SLC1A3: variants seen among roughly 807,000 people sequenced by gnomAD.
SLC1A3 encodes excitatory amino acid transporter 1.
Under a neutral mutation model 48.1 loss-of-function variants are expected in SLC1A3, and 21 were observed. That is an observed-to-expected ratio of 0.44 (90% CI 0.31 to 0.63). The LOEUF (loss-of-function observed/expected upper bound fraction) is 0.63, where lower values mean the gene tolerates loss of function less well. Among genes scored for constraint, SLC1A3 ranks in the 20% least tolerant of loss-of-function variants. The pLI is 0.08. For missense variants in SLC1A3, 546 were observed against 689.0 expected (o/e 0.79, Z 2.32); for synonymous variants, 239 against 251.4 (o/e 0.95, Z 0.47).
intron 3 of SLC1A3, among the ~76,000 whole-genome samples, chr5:36,664,140 T>C (rs899483352): frequency 6.6e-6 from 1 of 152,166 alleles, no homozygotes; most frequent in African/African-American, 2.4e-5. Context: ...GTTGCTGTTG[T>C]TGTTGTTTTT....
intron 3 of SLC1A3, among the ~76,000 whole-genome samples, chr5:36,635,711 G>T (rs539282084): frequency 2.7e-4 from 41 of 152,282 alleles, no homozygotes; most frequent in African/African-American, 9.9e-4. Context: ...ATTCCACGGG[G>T]CAGCAAATTC....
At chr5:36,634,100 AC>A (rs1740240659) in intron 3 of SLC1A3, among the ~76,000 whole-genome samples, 1 of 151,928 alleles carries the variant, frequency 6.6e-6, no homozygotes, top group Admixed American at 6.6e-5. Flanking sequence ...ACATGGTGAA[AC>A]CCCATCTCTA....
chr5:36,629,628 TG>T (rs1740058892), intron 3 of SLC1A3, 41 bp downstream of exon 3: 8 of 1,566,910 alleles, frequency 5.1e-6, no homozygotes, highest in Non-Finnish European at 5.3e-6. Flanking sequence ...TTTTTTTAAG[TG>T]TGTTTATTGC....
chr5:36,684,679 A>C (rs796543374), intron 9 of SLC1A3, among the ~76,000 whole-genome samples: 2 of 152,320 alleles, frequency 1.3e-5, no homozygotes, highest in African/African-American at 4.8e-5. Flanking sequence ...CCTAGAACAG[A>C]GTACGTGTTG....
chr5:36,618,000 A>G (rs1191248671), intron 2 of SLC1A3, among the ~76,000 whole-genome samples: 2 of 151,668 alleles, frequency 1.3e-5, no homozygotes, highest in East Asian at 3.9e-4. Flanking sequence ...GGGATTTAAA[A>G]AAGAGTTAGC....
At chr5:36,644,886 G>A (rs1384469535) in intron 3 of SLC1A3, among the ~76,000 whole-genome samples, 5 of 152,132 alleles carry the variant, frequency 3.3e-5, no homozygotes, top group Non-Finnish European at 5.9e-5. Context: ...GGTGGTGAGG[G>A]TGGGCCTGGG....
chr5:36,642,987 C>T (rs530324346), intron 3 of SLC1A3, among the ~76,000 whole-genome samples: 1 of 152,144 alleles, frequency 6.6e-6, no homozygotes, highest in Non-Finnish European at 1.5e-5. Flanking sequence ...ACTACCCATT[C>T]ATATAATGAA....
chr5:36,645,321 T>C (rs1178078840), intron 3 of SLC1A3, among the ~76,000 whole-genome samples: 1 of 45,742 alleles, frequency 2.2e-5, no homozygotes, highest in Non-Finnish European at 4.3e-5. Flanking sequence ...TCCGCTGCCT[T>C]TTTTTTTTTT....
At chr5:36,606,599 C>G (rs1387151250), upstream of SLC1A3, 1 of 152,292 alleles carries the variant, frequency 6.6e-6, no homozygotes, top group African/African-American at 2.4e-5. Flanking sequence ...TAGTAACTTG[C>G]AGTTTCAGAG....
chr5:36,679,906 C>A, intron 7 of SLC1A3, 46 bp downstream of exon 7: 1 of 1,378,908 alleles, frequency 7.3e-7, no homozygotes, highest in Non-Finnish European at 1.0e-6. Context: ...TTACCTTGAA[C>A]CAGGGCCCCT....
intron 2 of SLC1A3, among the ~76,000 whole-genome samples, chr5:36,623,966 CTG>C (rs1433366624): frequency 1.3e-5 from 2 of 152,038 alleles, no homozygotes; most frequent in African/African-American, 4.8e-5. Flanking sequence ...GTGTATCAGG[CTG>C]TGTTTCCATG....
rs1742388983 is a variant in SLC1A3, at chr5:36,680,386, T to C, written c.1095-9T>C. On this transcript the variant is annotated splice_polypyrimidine_tract_variant and intron_variant, in intron 7 of 9. Transcript: ENST00000265113. ...ACTCAGCTGATGTGCCCTATTTCAC[T>C]GTTCTCAGTTCTGCCACCCTACCCA... 6 of 1,613,478 alleles carry C rather than the reference T, an allele frequency of 3.7e-6. No individual in the cohort carries two copies. The highest frequency in any genetic ancestry group is 3.3e-4 in the Middle Eastern group (2 of 6,010).
At chr5:36,661,030 TG>T (rs1211293398) in intron 3 of SLC1A3, among the ~76,000 whole-genome samples, 1 of 152,198 alleles carries the variant, frequency 6.6e-6, no homozygotes, top group Non-Finnish European at 1.5e-5. Context: ...GATTTCATTT[TG>T]CACACTCTTT....
chr5:36,615,645 A>G (rs561429669), intron 2 of SLC1A3, among the ~76,000 whole-genome samples: 1 of 152,290 alleles, frequency 6.6e-6, no homozygotes, highest in Non-Finnish European at 1.5e-5. Flanking sequence ...GGGGAAGAAA[A>G]CCACAGGCTT....
At chr5:36,605,189 G>A (rs995770841), upstream of SLC1A3, among the ~76,000 whole-genome samples, 1 of 152,118 alleles carries the variant, frequency 6.6e-6, no homozygotes, top group Admixed American at 6.5e-5. Flanking sequence ...TTATAATTTA[G>A]TTGAGAAACC....
At chr5:36,601,459 T>G (rs1738806872), upstream of SLC1A3, among the ~76,000 whole-genome samples, 1 of 152,246 alleles carries the variant, frequency 6.6e-6, no homozygotes, top group Non-Finnish European at 1.5e-5. Flanking sequence ...AACCTAGTTT[T>G]ACGGATGACA....
chr5:36,611,651 G>A (rs984402158), intron 2 of SLC1A3, among the ~76,000 whole-genome samples: 1 of 152,138 alleles, frequency 6.6e-6, no homozygotes, highest in Non-Finnish European at 1.5e-5. Flanking sequence ...ACATCCCTTA[G>A]AGGGCCCGTC....
chr5:36,640,351 A>G (rs545887581), intron 3 of SLC1A3, among the ~76,000 whole-genome samples: 3 of 152,386 alleles, frequency 2.0e-5, no homozygotes, highest in East Asian at 3.9e-4. Flanking sequence ...TCAGATCCTC[A>G]GGCTGGAAGC....
intron 8 of SLC1A3, among the ~76,000 whole-genome samples, chr5:36,683,316 C>T (rs1397854943): frequency 6.6e-6 from 1 of 152,030 alleles, no homozygotes. Flanking sequence ...TGTACGAGGA[C>T]CAAATTAGAT....
Sources: gnomAD v4.1 joint callset for allele counts (sites outside exome capture counted in the v4.1 genomes callset) on GRCh38, gnomAD v4.1.1 for gene constraint, MANE v1.5 for transcripts, NCBI Gene and HGNC (gene_info 2026-07-23, HGNC 2026-07-21) for gene names.